The following PARD3 variants were observed in gnomAD, a reference collection of about 807,000 sequenced individuals.
The protein encoded by PARD3 is par-3 family cell polarity regulator.
Under a neutral mutation model 155.4 loss-of-function variants are expected in PARD3, and 75 were observed. The observed-to-expected ratio is 0.48, with a 90% CI of 0.40 to 0.58. The LOEUF is 0.58. Among genes scored for constraint, PARD3 ranks in the 20% least tolerant of loss-of-function variants. The pLI is 0.00. For synonymous variants in PARD3, 576 were observed against 610.5 expected (o/e 0.94, Z 0.83); for missense variants, 1,642 against 1,721.7 (o/e 0.95, Z 0.82).
At chr10:34,183,383 G>C (rs1950349986) in intron 22 of PARD3, among the ~76,000 whole-genome samples, 1 of 152,206 alleles carries the variant, frequency 6.6e-6, no homozygotes, top group African/African-American at 2.4e-5. Flanking sequence ...CAGATAGAAA[G>C]GGTAAAAGGA....
chr10:34,292,827 T>C lies in PARD3; in HGVS notation c.3066-8582A>G, dbSNP rs200589303. On this transcript the variant is annotated intron_variant, in intron 20 of 24. Transcript: ENST00000374788. ...TAACATATCCCTTTCAGGACTCCCATTAAATGTCCTTATAAGTGCACTCCT... is the reference window on the plus strand; with the variant it reads ...TAACATATCCCTTTCAGGACTCCCACTAAATGTCCTTATAAGTGCACTCCT... 3.3e-5 allele frequency among the ~76,000 whole-genome samples: 5 copies of C among 152,242 alleles called. No homozygotes were observed. In the East Asian group the frequency reaches 7.7e-4, roughly 24 times the overall value.
At chr10:34,797,519 C>T (rs1842404513) in intron 1 of PARD3, among the ~76,000 whole-genome samples, 1 of 152,210 alleles carries the variant, frequency 6.6e-6, no homozygotes, top group Non-Finnish European at 1.5e-5. Flanking sequence ...CAACAGTCTT[C>T]TCTAATACTA....
At chr10:34,450,500 T>A in intron 4 of PARD3, 52 bp from the exon 5 acceptor site, 1 of 1,540,496 alleles carries the variant, frequency 6.5e-7, no homozygotes, top group Non-Finnish European at 8.8e-7. Context: ...ACCTTGCAAA[T>A]CAGTAATGCA....
At chr10:34,480,560 C>T (rs919632334) in intron 3 of PARD3, among the ~76,000 whole-genome samples, 6 of 152,092 alleles carry the variant, frequency 3.9e-5, no homozygotes, top group East Asian at 3.9e-4. Flanking sequence ...TTAACAGCAT[C>T]GGCCAGTTAT....
chr10:34,115,218 A>G (rs896097355), intron 24 of PARD3, among the ~76,000 whole-genome samples: 1 of 152,190 alleles, frequency 6.6e-6, no homozygotes, highest in African/African-American at 2.4e-5. Context: ...GTGCAGAGAC[A>G]CAGCGTGGAG....
intron 22 of PARD3, among the ~76,000 whole-genome samples, chr10:34,161,404 C>G (rs1242675951): frequency 6.6e-6 from 1 of 152,012 alleles, no homozygotes; most frequent in Non-Finnish European, 1.5e-5. Flanking sequence ...TACACTGTTA[C>G]TCAGTGTAAT....
intron 2 of PARD3, among the ~76,000 whole-genome samples, chr10:34,671,744 G>A (rs979639338): frequency 3.3e-5 from 5 of 152,092 alleles, no homozygotes; most frequent in South Asian, 4.1e-4. Flanking sequence ...TCTATCTATC[G>A]CAAAGATCAG....
chr10:34,682,794 G>A (rs912409984), intron 2 of PARD3, among the ~76,000 whole-genome samples: 7 of 152,142 alleles, frequency 4.6e-5, no homozygotes, highest in Non-Finnish European at 8.8e-5. Flanking sequence ...CGGCTGAGGT[G>A]GGAGCCCAGG....
intron 1 of PARD3, among the ~76,000 whole-genome samples, chr10:34,750,487 AC>A (rs1188037922): frequency 6.9e-6 from 1 of 144,080 alleles, no homozygotes; most frequent in Non-Finnish European, 1.5e-5. Context: ...ACACACACAC[AC>A]ACACACACAC....
intron 22 of PARD3, among the ~76,000 whole-genome samples, chr10:34,171,542 G>A (rs1001621343): frequency 3.9e-5 from 6 of 152,110 alleles, no homozygotes; most frequent in South Asian, 4.1e-4. Flanking sequence ...GGATCTGTGC[G>A]TCCACTGTTT....
At chr10:34,660,074 C>T (rs2093281844) in intron 2 of PARD3, among the ~76,000 whole-genome samples, 1 of 151,950 alleles carries the variant, frequency 6.6e-6, no homozygotes, top group African/African-American at 2.4e-5. Context: ...ATATGTTTTC[C>T]CCAAATCTTC....
chr10:34,486,105 T>C (rs989770451), intron 3 of PARD3, among the ~76,000 whole-genome samples: 1 of 151,910 alleles, frequency 6.6e-6, no homozygotes, highest in Non-Finnish European at 1.5e-5. Context: ...CTTATTTTTG[T>C]AGATACAGTG....
chr10:34,225,085 T>G (rs1486274189), intron 22 of PARD3, among the ~76,000 whole-genome samples: 1 of 152,182 alleles, frequency 6.6e-6, no homozygotes, highest in African/African-American at 2.4e-5. Flanking sequence ...CAAAAATATT[T>G]TAGGTCCTAC....
At chr10:34,546,980 T>C (rs2084129367) in intron 2 of PARD3, among the ~76,000 whole-genome samples, 1 of 152,242 alleles carries the variant, frequency 6.6e-6, no homozygotes. Context: ...AAGCAATACT[T>C]CTTAAATGTT....
chr10:34,203,459 T>C (rs1250713551), intron 22 of PARD3, among the ~76,000 whole-genome samples: 1 of 152,222 alleles, frequency 6.6e-6, no homozygotes, highest in Non-Finnish European at 1.5e-5. Flanking sequence ...CCAGGACACC[T>C]TGTGGATACC....
At chr10:34,386,089 G>GT (rs1410510185) in intron 7 of PARD3, among the ~76,000 whole-genome samples, 1 of 152,088 alleles carries the variant, frequency 6.6e-6, no homozygotes, top group East Asian at 1.9e-4. Context: ...TACGATATTA[G>GT]TAAGGTCAAC....
intron 11 of PARD3, among the ~76,000 whole-genome samples, chr10:34,373,709 T>A (rs1313202231): frequency 6.6e-6 from 1 of 152,090 alleles, no homozygotes; most frequent in Non-Finnish European, 1.5e-5. Flanking sequence ...ATTCAAAATC[T>A]ACTTAAAACA....
rs796082235 is a variant in PARD3 at position 34,467,447 on chromosome 10, G to C, written c.582+2638C>G. Among the ~76,000 whole-genome samples the C allele has an allele frequency of 4.0e-5, 6 of 151,810 alleles. 1 individual carries two copies. The highest frequency in any genetic ancestry group is 1.5e-4 in the African/African-American group (6 of 41,328). On this transcript the variant is annotated intron_variant, in intron 4 of 24. Coordinates refer to ENST00000374788, the MANE Select transcript of PARD3 (RefSeq NM_001184785.2). Reference sequence around the variant, plus strand: ...CGCCAAATTTTCTACAATGATAGTAGCATGTCATTTAAAACAACAGGCTGG... The same window carrying C: ...CGCCAAATTTTCTACAATGATAGTACCATGTCATTTAAAACAACAGGCTGG...
intron 2 of PARD3, among the ~76,000 whole-genome samples, chr10:34,678,929 C>T (rs898508899): frequency 6.6e-6 from 1 of 152,050 alleles, no homozygotes; most frequent in Non-Finnish European, 1.5e-5. Context: ...AACGCCTTCA[C>T]CGAATCCTTC....
Sources: gnomAD v4.1 joint callset for allele counts (sites outside exome capture counted in the v4.1 genomes callset) on GRCh38, gnomAD v4.1.1 for gene constraint, MANE v1.5 for transcripts, NCBI Gene and HGNC (gene_info 2026-07-23, HGNC 2026-07-21) for gene names.